Variants in TBC1D10B observed in about 807,000 individuals in gnomAD.
TBC1D10B encodes TBC1 domain family member 10B, also known as Rab27A-GAPbeta.
TBC1D10B carries 25 observed loss-of-function variants against 78.4 expected under a neutral mutation model. The observed-to-expected ratio is 0.32, with a 90% CI of 0.23 to 0.45. The LOEUF is 0.45. TBC1D10B is among the 20% of genes least tolerant of loss of function. The pLI, the probability that TBC1D10B is intolerant of heterozygous loss-of-function variation, is 1.00. For missense variants in TBC1D10B, 996 were observed against 1,104.8 expected (o/e 0.90, Z 1.40); for synonymous variants, 517 against 478.0 (o/e 1.08, Z -1.06).
At chr16:30,364,828 T>C in intron 4 of TBC1D10B, 72 bp downstream of exon 4, 2 of 1,402,540 alleles carry the variant, frequency 1.4e-6, no homozygotes, top group Non-Finnish European at 2.0e-6. Context: ...CTCAGTCTTG[T>C]ATCCACCTAG....
In TBC1D10B at chr16:30,358,087, T is replaced by C; in HGVS notation, c.2284A>G (p.Lys762Glu). 6.5e-7 allele frequency: 1 copy of C among 1,550,178 alleles called. No individual in the cohort carries two copies. The highest frequency in any genetic ancestry group is 8.7e-7 in the Non-Finnish European group (1 of 1,145,554). The change falls in exon 9 of 9, where the codon AAG (lysine) becomes GAG (glutamate). Residue 762 changes from lysine (K) to glutamate (E), a missense_variant. Lys to Glu is a moderately conservative substitution (Grantham distance 56, BLOSUM62 1). Coordinates refer to ENST00000409939, the MANE Select transcript of TBC1D10B (RefSeq NM_015527.4). ...TGCTTCTGCCGCTCCTTCTCCTGCTTCTCTCGCTCCTTTTCCTGCTTCTCT... is the reference window on the plus strand; with the variant it reads ...TGCTTCTGCCGCTCCTTCTCCTGCTCCTCTCGCTCCTTTTCCTGCTTCTCT... ...EREKQEKERE[K>E]QEKERQKQEK...
At position 30,369,747 on chromosome 16, in the gene TBC1D10B, G is replaced by A; in HGVS notation, c.437C>T (p.Pro146Leu). 4 of 1,459,488 alleles carry A rather than the reference G, an allele frequency of 2.7e-6. No individual in the cohort carries two copies. In the South Asian group the frequency reaches 5.7e-5, roughly 21 times the overall value. The allele number at this position is 1,459,488 out of a possible 1,614,324, so 90.4% of individuals were successfully genotyped here. ...EEARPSPAPGPGTPTGTPTRT... is the reference protein window; with the variant it reads ...EEARPSPAPGLGTPTGTPTRT... ...GGTAGGGGTCCCGGTGGGGGTCCCT[G>A]GTCCTGGGGCGGGTGAGGGTCGAGC... The change falls in exon 1 of 9, where the codon CCA becomes CTA. Residue 146 changes from proline to leucine, a missense_variant. Around this residue, in one of 5 missense-constraint regions of TBC1D10B, gnomAD observed 448 missense variants for 442.1 expected, o/e 1.01. Transcript: ENST00000409939. The surrounding 1 kb of genome is among the most constrained non-coding windows in gnomAD (Gnocchi z 4.3).
chr16:30,369,408 G>A lies in TBC1D10B; in HGVS notation c.776C>T (p.Pro259Leu). The change falls in exon 1 of 9, where the codon CCT becomes CTT. Residue 259 changes from proline (P) to leucine (L), a missense_variant. Around this residue, in one of 5 missense-constraint regions of TBC1D10B, gnomAD observed 448 missense variants for 442.1 expected, o/e 1.01. Coordinates refer to ENST00000409939, the MANE Select transcript of TBC1D10B (RefSeq NM_015527.4). The surrounding 1 kb of genome is among the most constrained non-coding windows in gnomAD (Gnocchi z 4.3). ...CAGCGTGTCCGGGGCCTGCCCTCGA[G>A]GCCCAGAGATGCCAGGTCCCAGGCT... ...TSSLGPGISGPRGQAPDTLSY... is the reference protein window; with the variant it reads ...TSSLGPGISGLRGQAPDTLSY... The A allele has an allele frequency of 6.3e-7, 1 of 1,579,754 alleles. No individual in the cohort carries two copies. Among genetic ancestry groups the A allele is most frequent in the Non-Finnish European group, 8.6e-7 (1 of 1,163,004 alleles).
chr16:30,359,470 GCAAGGA>G, intron 6 of TBC1D10B, 62 bp downstream of exon 6: 1 of 1,550,046 alleles, frequency 6.5e-7, no homozygotes. Flanking sequence ...GTGGGGCAAG[GCAAGGA>G]CCTGCCTGCA....
Position 30,365,619 on chromosome 16 carries a change from G to A in TBC1D10B, c.957-25C>T. On this transcript the variant is annotated intron_variant, in intron 1 of 8. Transcript: ENST00000409939. The surrounding 1 kb of genome is among the most constrained non-coding windows in gnomAD (Gnocchi z 5.0). ...TCTGCAGGGTCGGGGGAGCACGGAA[G>A]GGGTCAGTAGCAATAGTGTAAAACC... 6.2e-7 allele frequency: 1 copy of A among 1,609,650 alleles called. No homozygotes were observed. Among genetic ancestry groups the A allele is most frequent in the Non-Finnish European group, 8.5e-7 (1 of 1,176,822 alleles).
chr16:30,358,258 G>C lies in TBC1D10B; in HGVS notation c.2113C>G (p.Leu705Val). ...VVTAEGLHPS[L>V]PSPTGNSTPL... ...GTGCTATTGCCAGTGGGTGAGGGAAGGGATGGATGCAGTCCCTCAGCAGTG... is the reference window on the plus strand; with the variant it reads ...GTGCTATTGCCAGTGGGTGAGGGAACGGATGGATGCAGTCCCTCAGCAGTG... The change falls in exon 9 of 9, where the codon CTT becomes GTT. Residue 705 changes from leucine (L) to valine (V), a missense_variant. Coordinates refer to ENST00000409939, the MANE Select transcript of TBC1D10B (RefSeq NM_015527.4). 6.3e-7 allele frequency: 1 copy of C among 1,575,020 alleles called. No homozygotes were observed. The highest frequency in any genetic ancestry group is 8.6e-7 in the Non-Finnish European group (1 of 1,160,320).
chr16:30,370,039 G>A lies in TBC1D10B; in HGVS notation c.145C>T (p.Pro49Ser), dbSNP rs2049674966. The A allele has an allele frequency of 4.9e-6, 6 of 1,230,184 alleles. No homozygotes were observed. The highest frequency in any genetic ancestry group is 4.7e-5 in the African/African-American group (3 of 64,200). 76.2% of individuals were successfully genotyped at this position (1,230,184 alleles called of 1,614,324 possible). A position where few individuals can be genotyped will look rare whatever the true frequency, so the allele number is the denominator to read the frequency against. Reference protein sequence around the residue: ...GPPVTTATSAPVTLVAPGEAR... With the variant: ...GPPVTTATSASVTLVAPGEAR... ...TCCCCGGGGGCCACCAGGGTGACGG[G>A]GGCCGAAGTGGCCGTAGTCACTGGA... The change falls in exon 1 of 9, where the codon CCC becomes TCC. Residue 49 changes from proline to serine, a missense_variant. Physicochemically the swap from Pro to Ser is moderately conservative, Grantham distance 74 (BLOSUM62 -1). This residue lies in a region of TBC1D10B where 448 missense variants were observed against 442.1 expected (regional missense o/e 1.01). Coordinates refer to ENST00000409939, the MANE Select transcript of TBC1D10B (RefSeq NM_015527.4).
At chr16:30,359,637 G>A (rs760350279) in intron 5 of TBC1D10B, 34 bp from the exon 6 acceptor site, 8 of 1,556,076 alleles carry the variant, frequency 5.1e-6, no homozygotes, top group Non-Finnish European at 6.1e-6. Context: ...GAGGGGTGGG[G>A]CCTGAGAAGC....
In TBC1D10B at chr16:30,369,660, G is replaced by A; in HGVS notation, c.524C>T (p.Pro175Leu). The change falls in exon 1 of 9, where the codon CCG becomes CTG. Residue 175 changes from proline to leucine, a missense_variant. By Grantham distance (98) the Pro-to-Leu change is moderately conservative. Around this residue, in one of 5 missense-constraint regions of TBC1D10B, gnomAD observed 448 missense variants for 442.1 expected, o/e 1.01. Coordinates refer to ENST00000409939, the MANE Select transcript of TBC1D10B (RefSeq NM_015527.4). This position sits in a 1 kb window ranked among gnomAD's most constrained non-coding sequence, Gnocchi z 4.3. ...LTAKPPLAPKPGTTVASGVTA... is the reference protein window; with the variant it reads ...LTAKPPLAPKLGTTVASGVTA... ...CACTCCTGAGGCCACTGTGGTTCCCGGCTTGGGGGCAAGCGGGGGTTTGGC... is the reference window on the plus strand; with the variant it reads ...CACTCCTGAGGCCACTGTGGTTCCCAGCTTGGGGGCAAGCGGGGGTTTGGC... 1 of 1,532,874 alleles carries A rather than the reference G, an allele frequency of 6.5e-7. No individual in the cohort carries two copies. Among genetic ancestry groups the A allele is most frequent in the Non-Finnish European group, 8.8e-7 (1 of 1,137,348 alleles). 95.0% of individuals were successfully genotyped at this position (1,532,874 alleles called of 1,614,324 possible).
chr16:30,365,604 CG>C lies in TBC1D10B; in HGVS notation c.957-11del. ...GGGAATGGAGCTCTCTCTGCAGGGT[CG>C]GGGGAGCACGGAAGGGGTCAGTAGC... is the stretch of plus-strand genomic sequence containing the variant. On this transcript the variant is annotated splice_polypyrimidine_tract_variant and intron_variant, in intron 1 of 8. Transcript: ENST00000409939. The surrounding 1 kb of genome is among the most constrained non-coding windows in gnomAD (Gnocchi z 5.0). 6.2e-7 allele frequency: 1 copy of C among 1,613,226 alleles called. No homozygotes were observed.
chr16:30,359,687 A>AT (rs2049586631), intron 5 of TBC1D10B, 40 bp downstream of exon 5: 2 of 1,553,776 alleles, frequency 1.3e-6, no homozygotes, highest in African/African-American at 1.4e-5. Flanking sequence ...GTAGGGTGAG[A>AT]TCCCCCCTGC....
chr16:30,361,793 C>T (rs1427612188), intron 4 of TBC1D10B, among the ~76,000 whole-genome samples: 1 of 151,610 alleles, frequency 6.6e-6, no homozygotes, highest in Admixed American at 6.6e-5. Context: ...CTCACTGAAA[C>T]CTCTGCCTCA....
In TBC1D10B at chr16:30,370,205, T is replaced by TC. The variant is rs1185770311; in HGVS notation, c.-23dup. ...CCATGGCCGCGGGCCGCCCCTCACA[T>TC]CCCCCCGCCGGGGAGGCCGCAGAAG... is the stretch of plus-strand genomic sequence containing the variant. On this transcript the variant is annotated 5_prime_UTR_variant, in exon 1 of 9. Coordinates refer to ENST00000409939, the MANE Select transcript of TBC1D10B (RefSeq NM_015527.4). 3 of 1,121,730 alleles carry TC rather than the reference T, an allele frequency of 2.7e-6. No homozygotes were observed. Among genetic ancestry groups the TC allele is most frequent in the Admixed American group, 4.8e-5 (1 of 20,770 alleles). 69.5% of individuals were successfully genotyped at this position (1,121,730 alleles called of 1,614,324 possible).
chr16:30,364,407 C>G (rs2049620624), intron 4 of TBC1D10B, among the ~76,000 whole-genome samples: 1 of 151,996 alleles, frequency 6.6e-6, no homozygotes, highest in African/African-American at 2.4e-5. Flanking sequence ...CACCACTGCA[C>G]TCCAGCCTGG....
chr16:30,369,923 G>C lies in TBC1D10B; in HGVS notation c.261C>G (p.Ser87Arg). Reference protein sequence around the residue: ...APAPAPAVTGSTVVVLTLEAS... With the variant: ...APAPAPAVTGRTVVVLTLEAS... ...CCTCCAGGGTCAGCACCACCACCGT[G>C]CTGCCCGTGACAGCCGGGGCTGGGG... The change falls in exon 1 of 9, where the codon AGC becomes AGG. Residue 87 changes from serine to arginine, a missense_variant. Around this residue, in one of 5 missense-constraint regions of TBC1D10B, gnomAD observed 448 missense variants for 442.1 expected, o/e 1.01. Transcript: ENST00000409939. The surrounding 1 kb of genome is among the most constrained non-coding windows in gnomAD (Gnocchi z 4.3). 1.5e-6 allele frequency: 2 copies of C among 1,327,668 alleles called. No homozygotes were observed. Among genetic ancestry groups the C allele is most frequent in the South Asian group, 2.1e-5 (1 of 47,632 alleles). 82.2% of individuals were successfully genotyped at this position (1,327,668 alleles called of 1,614,324 possible). A position where few individuals can be genotyped will look rare whatever the true frequency, so the allele number is the denominator to read the frequency against.
At position 30,358,270 on chromosome 16, in the gene TBC1D10B, G is replaced by A. The variant is rs1271179668; in HGVS notation, c.2101C>T (p.Leu701=). 1.3e-6 allele frequency: 2 copies of A among 1,582,414 alleles called. No individual in the cohort carries two copies. The highest frequency in any genetic ancestry group is 3.6e-5 in the Admixed American group (2 of 55,480). The change falls in exon 9 of 9, where the codon CTG becomes TTG. Residue 701 remains leucine, a synonymous_variant. Coordinates refer to ENST00000409939, the MANE Select transcript of TBC1D10B (RefSeq NM_015527.4). ...GTGGGTGAGGGAAGGGATGGATGCA[G>A]TCCCTCAGCAGTGACCACAGGCCCT... The part of the protein sequence containing the change: ...APGPVVTAEG[L]HPSLPSPTGN...
At chr16:30,360,461 A>T (rs1165981991) in intron 4 of TBC1D10B, 2 of 152,264 alleles carry the variant, frequency 1.3e-5, no homozygotes, top group Non-Finnish European at 2.9e-5. Flanking sequence ...GCTCCTCTCC[A>T]CCTCCACAGC....
rs1015538478 is a variant in TBC1D10B at position 30,359,754 on chromosome 16, C to T, written c.1359G>A (p.Ala453=). The T allele has an allele frequency of 3.8e-6, 6 of 1,589,110 alleles. No homozygotes were observed. The highest frequency in any genetic ancestry group is 2.7e-5 in the African/African-American group (2 of 74,412). The change falls in exon 5 of 9, where the codon GCG becomes GCA. Residue 453 remains alanine (A), a synonymous_variant. Transcript: ENST00000409939. Reference sequence around the variant, plus strand: ...CCGCAGGCATGTGCATGAGCAGGACCGCAGCCACGGGGGCCTGGGCCTGGC... The same window carrying T: ...CCGCAGGCATGTGCATGAGCAGGACTGCAGCCACGGGGGCCTGGGCCTGGC... ...GYCQAQAPVA[A]VLLMHMPAEQ...
At position 30,359,326 on chromosome 16, in the gene TBC1D10B, T is replaced by A. The variant is rs1488074039; in HGVS notation, c.1488A>T (p.Ala496=). 2 of 1,585,828 alleles carry A rather than the reference T, an allele frequency of 1.3e-6. No individual in the cohort carries two copies. The highest frequency in any genetic ancestry group is 1.7e-6 in the Non-Finnish European group (2 of 1,166,866). The part of the protein sequence containing the change: ...AIQLDGEIFF[A]LLRRASPLAH... ...CCAGCGGGGAGGCCCGGCGCAGGAG[T>A]GCAAAAAAGATCTCCCCGTCCAGCT... The change falls in exon 7 of 9, where the codon GCA becomes GCT. Residue 496 remains alanine (A), a synonymous_variant. Transcript: ENST00000409939.
Sources: gnomAD v4.1 joint callset for allele counts (sites outside exome capture counted in the v4.1 genomes callset) on GRCh38, gnomAD v4.1.1 for gene constraint, gnomAD v4.1.1 regional missense constraint, Gnocchi (gnomAD v3.1) non-coding constraint, MANE v1.5 for transcripts, NCBI Gene and HGNC (gene_info 2026-07-23, HGNC 2026-07-21) for gene names.